The following ZNF623 variants were observed in gnomAD, a reference collection of about 807,000 sequenced individuals.
ZNF623 encodes the protein zinc finger protein 623.
Under a neutral mutation model 24.0 loss-of-function variants are expected in ZNF623, and 16 were observed. The observed-to-expected ratio is 0.67, with a 90% CI of 0.45 to 1.01. The LOEUF (loss-of-function observed/expected upper bound fraction) is 1.01, where lower values mean the gene tolerates loss of function less well. Ranked by LOEUF, ZNF623 falls within the 50% of genes least tolerant of loss-of-function variation. The pLI is 0.00. For missense variants in ZNF623, 566 were observed against 606.5 expected (o/e 0.93, Z 0.70); for synonymous variants, 224 against 219.8 (o/e 1.02, Z -0.17).
In ZNF623 at chr8:143,651,635, C is replaced by T. The variant is rs12679735; in HGVS notation, c.*152C>T. The T allele has an allele frequency of 0.25, 205,598 of 829,378 alleles. 26,333 individuals carry two copies. The highest frequency in any genetic ancestry group is 0.34 in the East Asian group (12,649 of 37,220). 51.4% of individuals were successfully genotyped at this position (829,378 alleles called of 1,614,324 possible). A position where few individuals can be genotyped will look rare whatever the true frequency, so the allele number is the denominator to read the frequency against. Reference sequence around the variant, plus strand: ...CCACCTGCCACTGTGCAGCCCTACTCGGCTCAGCCCTTCTCCTCAGCTGTG... The same window carrying T: ...CCACCTGCCACTGTGCAGCCCTACTTGGCTCAGCCCTTCTCCTCAGCTGTG... On this transcript the variant is annotated 3_prime_UTR_variant, in exon 2 of 2. Transcript: ENST00000526926.
rs772515178 is a variant in ZNF623 at position 143,651,467 on chromosome 8, A to G, written c.1475A>G (p.His492Arg). 6.4e-7 allele frequency: 1 copy of G among 1,571,284 alleles called. No individual in the cohort carries two copies. The highest frequency in any genetic ancestry group is 2.2e-5 in the East Asian group (1 of 44,548). The change falls in exon 2 of 2, where the codon CAC (histidine) becomes CGC (arginine). Residue 492 changes from histidine to arginine, a missense_variant. By Grantham distance (29) the His-to-Arg change is conservative. Transcript: ENST00000526926. ...GAGAGGTCTGTAGATAAGGGGGAAC[A>G]CACAGGTAACTTATAAAATAATTAC... ...LGERSVDKGE[H>R]TGNL
chr8:143,646,445 T>C (rs561798981), intron 1 of ZNF623, among the ~76,000 whole-genome samples: 1 of 152,264 alleles, frequency 6.6e-6, no homozygotes, highest in African/African-American at 2.4e-5. Context: ...TTGTTTGGGT[T>C]GCTGAGGATA....
At chr8:143,644,096 C>G (rs985227421) in intron 1 of ZNF623, among the ~76,000 whole-genome samples, 2 of 152,180 alleles carry the variant, frequency 1.3e-5, no homozygotes, top group African/African-American at 4.8e-5. Context: ...TCTCTGCTTA[C>G]TGCAACCTCT....
At position 143,651,225 on chromosome 8, in the gene ZNF623, T is replaced by G; in HGVS notation, c.1233T>G (p.Ile411Met). 6.2e-7 allele frequency: 1 copy of G among 1,614,146 alleles called. No homozygotes were observed. The highest frequency in any genetic ancestry group is 8.5e-7 in the Non-Finnish European group (1 of 1,180,026). The change falls in exon 2 of 2, where the codon ATT becomes ATG. Residue 411 changes from isoleucine to methionine, a missense_variant. Transcript: ENST00000526926. ...IQSSKLLLHQ[I>M]IHTGEKPYVC... ...GCTCCAAGCTGCTTCTGCACCAGAT[T>G]ATTCACACTGGAGAAAAGCCCTATG...
At chr8:143,640,576 C>T (rs961020172) in intron 1 of ZNF623, among the ~76,000 whole-genome samples, 1 of 152,188 alleles carries the variant, frequency 6.6e-6, no homozygotes, top group Non-Finnish European at 1.5e-5. Context: ...GTCATTTCAA[C>T]AGTGTTCACG....
In ZNF623 at chr8:143,650,954, A is replaced by G. The variant is rs751768467; in HGVS notation, c.962A>G (p.Asn321Ser). 1 of 1,614,104 alleles carries G rather than the reference A, an allele frequency of 6.2e-7. No homozygotes were observed. Residue 321 changes from asparagine (N) to serine (S), a missense_variant, in exon 2 of 2, where the codon AAC (asparagine) becomes AGC (serine). By Grantham distance (46) the Asn-to-Ser change is conservative (BLOSUM62 1). Around this residue, in one of 3 missense-constraint regions of ZNF623, gnomAD observed 117 missense variants for 174.2 expected, o/e 0.67. Coordinates refer to ENST00000526926, the MANE Select transcript of ZNF623 (RefSeq NM_001261843.2). The surrounding 1 kb of genome is among the most constrained non-coding windows in gnomAD (Gnocchi z 5.2). ...ECGKRFSQTS[N>S]FTQHQRIHTG... ...GGGAAGCGCTTCAGCCAGACGTCAAACTTCACCCAGCATCAGAGAATTCAC... is the reference window on the plus strand; with the variant it reads ...GGGAAGCGCTTCAGCCAGACGTCAAGCTTCACCCAGCATCAGAGAATTCAC...
Position 143,651,120 on chromosome 8 carries a change from C to G in ZNF623, c.1128C>G (p.Ala376=), listed in dbSNP as rs1361275212. 9 of 1,614,042 alleles carry G rather than the reference C, an allele frequency of 5.6e-6. No individual in the cohort carries two copies. The highest frequency in any genetic ancestry group is 1.7e-5 in the Admixed American group (1 of 60,014). Residue 376 remains alanine (A), a synonymous_variant, in exon 2 of 2, where the codon GCC becomes GCG. Transcript: ENST00000526926. ...KECGKAFLQK[A]HLTEHQKIHS... ...GTGGGAAAGCGTTTCTCCAGAAAGC[C>G]CATCTCACTGAGCACCAGAAGATCC...
chr8:143,639,167 C>T (rs570487866), intron 1 of ZNF623, among the ~76,000 whole-genome samples: 1 of 151,772 alleles, frequency 6.6e-6, no homozygotes, highest in South Asian at 2.1e-4. Context: ...GCTGGGATTA[C>T]AGGCATGAGC....
chr8:143,639,752 T>C (rs1388708331), intron 1 of ZNF623, among the ~76,000 whole-genome samples: 1 of 152,262 alleles, frequency 6.6e-6, no homozygotes, highest in Non-Finnish European at 1.5e-5. Context: ...TGTAACAGAT[T>C]CAAATACGGT....
intron 1 of ZNF623, among the ~76,000 whole-genome samples, chr8:143,649,032 G>C (rs975844141): frequency 2.0e-5 from 3 of 151,978 alleles, no homozygotes; most frequent in Admixed American, 2.0e-4. Context: ...AATCCCAGCA[G>C]TTTGGGAGGC....
At chr8:143,642,747 AAC>A (rs766008762) in intron 1 of ZNF623, among the ~76,000 whole-genome samples, 25 of 152,258 alleles carry the variant, frequency 1.6e-4, no homozygotes, top group Admixed American at 4.6e-4. Context: ...GGATGTAGGA[AAC>A]ACACATTGAT....
intron 1 of ZNF623, among the ~76,000 whole-genome samples, chr8:143,648,244 G>A (rs1185729546): frequency 6.6e-6 from 1 of 152,200 alleles, no homozygotes. Flanking sequence ...GGGGACACTG[G>A]GAGGAGCTAT....
chr8:143,653,409 C>T lies in ZNF623; in HGVS notation c.*1926C>T, dbSNP rs757495117. 1.8e-5 allele frequency: 3 copies of T among 167,024 alleles called. No individual in the cohort carries two copies. Among genetic ancestry groups the T allele is most frequent in the African/African-American group, 7.2e-5 (3 of 41,408 alleles). The allele number at this position is 167,024 out of a possible 1,614,324, so 10.3% of individuals were successfully genotyped here. Reference sequence around the variant, plus strand: ...GTTTCAAATGTAGATTTTACCAGACCATTTTAATCAACTTTATTGAGATTC... The same window carrying T: ...GTTTCAAATGTAGATTTTACCAGACTATTTTAATCAACTTTATTGAGATTC... On this transcript the variant is annotated 3_prime_UTR_variant, in exon 2 of 2. Coordinates refer to ENST00000526926, the MANE Select transcript of ZNF623 (RefSeq NM_001261843.2).
In ZNF623 at chr8:143,645,596, G is replaced by C. The variant is rs79084789; in HGVS notation, c.-95-4302G>C. ...GCAGAGCCTCAGATATCATTGTTTCGTTATAACATCTATGAGGGAAAAAGT... is the reference window on the plus strand; with the variant it reads ...GCAGAGCCTCAGATATCATTGTTTCCTTATAACATCTATGAGGGAAAAAGT... On this transcript the variant is annotated intron_variant, in intron 1 of 1. Coordinates refer to ENST00000526926, the MANE Select transcript of ZNF623 (RefSeq NM_001261843.2). Among the ~76,000 whole-genome samples the C allele has an allele frequency of 5.8e-3, 886 of 152,180 alleles. 65 individuals carry two copies. The East Asian group carries it at 0.15, about 25-fold the overall frequency.
In ZNF623 at chr8:143,651,377, T is replaced by G. The variant is rs778450489; in HGVS notation, c.1385T>G (p.Val462Gly). The G allele has an allele frequency of 6.2e-7, 1 of 1,614,112 alleles. No homozygotes were observed. The highest frequency in any genetic ancestry group is 8.5e-7 in the Non-Finnish European group (1 of 1,180,012). Residue 462 changes from valine to glycine, a missense_variant, in exon 2 of 2, where the codon GTT becomes GGT. Physicochemically the swap from Val to Gly is moderately radical, Grantham distance 109. Transcript: ENST00000526926. ...AGAGATTTTAACTCAACTACAAACGTTAAAAATAATCAAAGGGTTCACCAA... is the reference window on the plus strand; with the variant it reads ...AGAGATTTTAACTCAACTACAAACGGTAAAAATAATCAAAGGGTTCACCAA... ...YGRDFNSTTN[V>G]KNNQRVHQEG...
rs113510551 is a variant in ZNF623, at chr8:143,650,502, G to A, written c.510G>A (p.Ala170=). 1.9e-4 allele frequency: 306 copies of A among 1,614,144 alleles called. 2 individuals carry two copies. The African/African-American group carries it at 3.3e-3, about 17-fold the overall frequency. The part of the protein sequence containing the change: ...VHSGEKPFKC[A]QCGKAFCHSS... ...CAGGAGAAAAGCCCTTCAAATGTGC[G>A]CAGTGTGGGAAGGCGTTTTGTCACA... The change falls in exon 2 of 2, where the codon GCG becomes GCA. Residue 170 remains alanine (A), a synonymous_variant. Transcript: ENST00000526926. This position sits in a 1 kb window ranked among gnomAD's most constrained non-coding sequence, Gnocchi z 5.2.
Position 143,650,726 on chromosome 8 carries a change from A to C in ZNF623, c.734A>C (p.His245Pro), listed in dbSNP as rs769681638. ...AGCCTCATTCGCCATTATCAGATCCACACAGAAGTGAAACAGTATGAATGC... is the reference window on the plus strand; with the variant it reads ...AGCCTCATTCGCCATTATCAGATCCCCACAGAAGTGAAACAGTATGAATGC... ...SSSLIRHYQI[H>P]TEVKQYECKE... The change falls in exon 2 of 2, where the codon CAC becomes CCC. Residue 245 changes from histidine (H) to proline (P), a missense_variant. Physicochemically the swap from His to Pro is moderately conservative, Grantham distance 77. Coordinates refer to ENST00000526926, the MANE Select transcript of ZNF623 (RefSeq NM_001261843.2). The surrounding 1 kb of genome is among the most constrained non-coding windows in gnomAD (Gnocchi z 5.2). The C allele has an allele frequency of 6.2e-7, 1 of 1,614,188 alleles. No individual in the cohort carries two copies. Among genetic ancestry groups the C allele is most frequent in the Non-Finnish European group, 8.5e-7 (1 of 1,180,034 alleles).
chr8:143,639,656 A>G (rs766533638), intron 1 of ZNF623, among the ~76,000 whole-genome samples: 79 of 152,310 alleles, frequency 5.2e-4, no homozygotes, highest in Non-Finnish European at 9.3e-4. Flanking sequence ...CACCTGGCCC[A>G]GTTTGAATTT....
chr8:143,650,834 G>A lies in ZNF623; in HGVS notation c.842G>A (p.Cys281Tyr). The A allele has an allele frequency of 6.2e-7, 1 of 1,614,204 alleles. No homozygotes were observed. The highest frequency in any genetic ancestry group is 1.3e-5 in the African/African-American group (1 of 75,050). ...CACACCGGAGAGAGACCCTTTGAAT[G>A]CAATGAGTGTGGGAAAGCCTTTATT... The part of the protein sequence containing the change: ...RIHTGERPFE[C>Y]NECGKAFIRS... The change falls in exon 2 of 2, where the codon TGC becomes TAC. Residue 281 changes from cysteine (C) to tyrosine (Y), a missense_variant. Physicochemically the swap from Cys to Tyr is radical, Grantham distance 194 (BLOSUM62 -2). Coordinates refer to ENST00000526926, the MANE Select transcript of ZNF623 (RefSeq NM_001261843.2). This position sits in a 1 kb window ranked among gnomAD's most constrained non-coding sequence, Gnocchi z 5.2.
Sources: allele counts gnomAD v4.1 joint callset (sites outside exome capture counted in the v4.1 genomes callset), GRCh38; gene constraint gnomAD v4.1.1; regional missense constraint gnomAD v4.1.1; non-coding constraint Gnocchi (gnomAD v3.1); transcripts MANE v1.5; gene names NCBI Gene and HGNC (gene_info 2026-07-23, HGNC 2026-07-21).